The following MMRN2 variants were observed in gnomAD, a reference collection of about 807,000 sequenced individuals.
MMRN2 encodes multimerin 2.
In MMRN2, 53 loss-of-function variants were observed where a neutral mutation model predicts 68.8. The observed-to-expected ratio is 0.77, with a 90% CI of 0.62 to 0.97. MMRN2 has a LOEUF of 0.97. Ranked by LOEUF, MMRN2 falls within the 50% of genes least tolerant of loss-of-function variation. The probability of loss-of-function intolerance (pLI) is 0.00; values close to 1 mark genes in which losing one functional copy is unlikely to be tolerated. For missense variants in MMRN2, 1,266 were observed against 1,259.5 expected (o/e 1.01, Z -0.08); for synonymous variants, 564 against 551.6 (o/e 1.02, Z -0.32).
intron 6 of MMRN2, among the ~76,000 whole-genome samples, chr10:86,939,026 G>T (rs1327345168): frequency 6.6e-6 from 1 of 152,058 alleles, no homozygotes; most frequent in Non-Finnish European, 1.5e-5. Context: ...GCCAGGCGTG[G>T]TGGGGCATAC....
At chr10:86,938,933 C>G (rs1344139616) in intron 6 of MMRN2, among the ~76,000 whole-genome samples, 1 of 146,226 alleles carries the variant, frequency 6.8e-6, no homozygotes, top group Non-Finnish European at 1.5e-5. Context: ...GAGGCCAAGG[C>G]GGGCGGATCA....
intron 1 of MMRN2, chr10:86,954,340 GGGC>G (rs1467686446): frequency 7.2e-5 from 11 of 152,624 alleles, no homozygotes; most frequent in Admixed American, 6.5e-4. Context: ...AATGGAAGCT[GGGC>G]GGCCTGCGTT....
intron 1 of MMRN2, 90 bp from the exon 2 acceptor site, chr10:86,945,779 C>T (rs74153428): frequency 6.9e-6 from 11 of 1,592,516 alleles, no homozygotes; most frequent in Admixed American, 1.7e-5. Flanking sequence ...CGCCTCCTGC[C>T]GGAGCAGTGC....
intron 6 of MMRN2, among the ~76,000 whole-genome samples, chr10:86,942,063 G>C (rs1439829391): frequency 6.6e-6 from 1 of 152,162 alleles, no homozygotes; most frequent in East Asian, 1.9e-4. Flanking sequence ...TGTGCCTGTG[G>C]CCTCCAGGCT....
Position 86,945,239 on chromosome 10 carries a change from G to A in MMRN2, c.430C>T (p.Pro144Ser), listed in dbSNP as rs759624092. 11 of 1,613,748 alleles carry A rather than the reference G, an allele frequency of 6.8e-6. No individual in the cohort carries two copies. In the South Asian group the frequency reaches 1.2e-4, roughly 18 times the overall value. ...TGAGGTTCCTGGTGGCTGTCACCAG[G>A]ATCTGCAGGCTCAGGGATTGCCATG... ...DSMAIPEPAD[P>S]GDSHQEPQDG... Residue 144 changes from proline (P) to serine (S), a missense_variant, in exon 4 of 7, where the codon CCT (proline) becomes TCT (serine). Transcript: ENST00000372027.
chr10:86,951,372 C>T (rs545530060), intron 1 of MMRN2, among the ~76,000 whole-genome samples: 32 of 152,308 alleles, frequency 2.1e-4, no homozygotes, highest in Middle Eastern at 3.4e-3. Flanking sequence ...ATATGTGGGG[C>T]CTCTCCTTCA....
chr10:86,946,365 AGCTCCCTG>A (rs923561781), intron 1 of MMRN2, among the ~76,000 whole-genome samples: 7 of 152,240 alleles, frequency 4.6e-5, no homozygotes, highest in Non-Finnish European at 8.8e-5. Context: ...ATGAGGGACC[AGCTCCCTG>A]GCCATGCCCA....
chr10:86,947,529 C>G (rs1229225116), intron 1 of MMRN2, among the ~76,000 whole-genome samples: 2 of 152,036 alleles, frequency 1.3e-5, no homozygotes, highest in African/African-American at 4.8e-5. Flanking sequence ...ACCACCAAGC[C>G]TGGCTAATTT....
At position 86,944,643 on chromosome 10, in the gene MMRN2, A is replaced by G. The variant is rs1844040200; in HGVS notation, c.482-208T>C. ...GCCTCCTACACCTACAGCAGACATGACTAATCAATCATGGTACACTCCCCT... is the reference window on the plus strand; with the variant it reads ...GCCTCCTACACCTACAGCAGACATGGCTAATCAATCATGGTACACTCCCCT... On this transcript the variant is annotated intron_variant, in intron 4 of 6. Coordinates refer to ENST00000372027, the MANE Select transcript of MMRN2 (RefSeq NM_024756.3). 5 of 569,816 alleles carry G rather than the reference A, an allele frequency of 8.8e-6. No homozygotes were observed. In the East Asian group the frequency reaches 9.0e-5, roughly 10 times the overall value. The allele number at this position is 569,816 out of a possible 1,614,324, so 35.3% of individuals were successfully genotyped here. A position where few individuals can be genotyped will look rare whatever the true frequency, so the allele number is the denominator to read the frequency against.
chr10:86,942,684 C>A lies in MMRN2; in HGVS notation c.2100G>T (p.Glu700Asp), dbSNP rs770794429. 3.2e-5 allele frequency: 51 copies of A among 1,578,648 alleles called. No individual in the cohort carries two copies. The East Asian group carries it at 1.0e-3, about 31-fold the overall frequency. The part of the protein sequence containing the change: ...ATTALAGLAR[E>D]LQSLSNDVKN... ...TGACGTCGTTGCTCAGGCTCTGGAGCTCCCGCGCCAGCCCGGCCAGGGCGG... is the reference window on the plus strand; with the variant it reads ...TGACGTCGTTGCTCAGGCTCTGGAGATCCCGCGCCAGCCCGGCCAGGGCGG... Residue 700 changes from glutamate (E) to aspartate (D), a missense_variant, in exon 6 of 7, where the codon GAG (glutamate) becomes GAT (aspartate). Physicochemically the swap from Glu to Asp is conservative, Grantham distance 45. Transcript: ENST00000372027.
chr10:86,943,072 A>C lies in MMRN2; in HGVS notation c.1712T>G (p.Leu571Arg). The change falls in exon 6 of 7, where the codon CTG (leucine) becomes CGG (arginine). Residue 571 changes from leucine (L) to arginine (R), a missense_variant. Physicochemically the swap from Leu to Arg is moderately radical, Grantham distance 102. Coordinates refer to ENST00000372027, the MANE Select transcript of MMRN2 (RefSeq NM_024756.3). This position sits in a 1 kb window ranked among gnomAD's most constrained non-coding sequence, Gnocchi z 4.2. Reference protein sequence around the residue: ...TSRLRSQVQALDDEVGALKAA... With the variant: ...TSRLRSQVQARDDEVGALKAA... Reference sequence around the variant, plus strand: ...CTTCAGCGCGCCCACCTCGTCATCCAGCGCCTGCACTTGGCTCCGGAGCCG... The same window carrying C: ...CTTCAGCGCGCCCACCTCGTCATCCCGCGCCTGCACTTGGCTCCGGAGCCG... 1 of 1,420,718 alleles carries C rather than the reference A, an allele frequency of 7.0e-7. No individual in the cohort carries two copies. Among genetic ancestry groups the C allele is most frequent in the African/African-American group, 1.5e-5 (1 of 65,868 alleles). The allele number at this position is 1,420,718 out of a possible 1,614,324, so 88.0% of individuals were successfully genotyped here. A position where few individuals can be genotyped will look rare whatever the true frequency, so the allele number is the denominator to read the frequency against.
Position 86,951,053 on chromosome 10 carries a change from A to C in MMRN2, c.165-5364T>G, listed in dbSNP as rs144000830. On this transcript the variant is annotated intron_variant, in intron 1 of 6. Transcript: ENST00000372027. The stretch of plus-strand genomic sequence containing the variant: ...CAGTGAGCCAAGATCACGCCATTGC[A>C]CTCCAGCCTGGGCAACAAGAGTGAA... 3.3e-5 allele frequency among the ~76,000 whole-genome samples: 5 copies of C among 152,158 alleles called. No homozygotes were observed. The East Asian group carries it at 5.8e-4, about 18-fold the overall frequency.
At position 86,937,005 on chromosome 10, in the gene MMRN2, CG is replaced by C; in HGVS notation, c.2587del (p.Arg863GlufsTer12). 1 of 1,614,198 alleles carries C rather than the reference CG, an allele frequency of 6.2e-7. No individual in the cohort carries two copies. The highest frequency in any genetic ancestry group is 8.5e-7 in the Non-Finnish European group (1 of 1,180,038). Reference sequence around the variant, plus strand: ...CAGGTAGACACCACGCTCAGGGGCTCGGAAGTAGCCATGTTCAGGGAAGTAG... The same window carrying C: ...CAGGTAGACACCACGCTCAGGGGCTCGAAGTAGCCATGTTCAGGGAAGTAG... The part of the protein sequence containing the change: ...SSYFPEHGYF[R>X]APERGVYLFA... On this transcript the variant is annotated frameshift_variant, in exon 7 of 7. Transcript: ENST00000372027. LOFTEE classifies it low-confidence loss of function (END_TRUNC).
rs147130627 is a variant in MMRN2 at position 86,942,463 on chromosome 10, T to G, written c.2321A>C (p.Gln774Pro). ...CTTCCCTTTCCTGCTCAGCATGGTCTGCAGCTTCCCCAGGTCCAGGCTGAC... is the reference window on the plus strand; with the variant it reads ...CTTCCCTTTCCTGCTCAGCATGGTCGGCAGCTTCCCCAGGTCCAGGCTGAC... ...ANVSLDLGKL[Q>P]TMLSRKGKKQ... The change falls in exon 6 of 7, where the codon CAG becomes CCG. Residue 774 changes from glutamine to proline, a missense_variant. By Grantham distance (76) the Gln-to-Pro change is moderately conservative. Coordinates refer to ENST00000372027, the MANE Select transcript of MMRN2 (RefSeq NM_024756.3). 6.2e-7 allele frequency: 1 copy of G among 1,614,190 alleles called. No individual in the cohort carries two copies. Among genetic ancestry groups the G allele is most frequent in the African/African-American group, 1.3e-5 (1 of 75,080 alleles).
Position 86,942,306 on chromosome 10 carries a change from C to T in MMRN2, c.2467+11G>A. 1.3e-6 allele frequency: 2 copies of T among 1,599,440 alleles called. No homozygotes were observed. Among genetic ancestry groups the T allele is most frequent in the Admixed American group, 1.7e-5 (1 of 59,130 alleles). ...CTAGGCTCGTCCAGTCTCCCCAGCC[C>T]AGGAACTCACCTGCCTCCCAGAGCG... On this transcript the variant is annotated intron_variant, in intron 6 of 6. Coordinates refer to ENST00000372027, the MANE Select transcript of MMRN2 (RefSeq NM_024756.3).
intron 1 of MMRN2, among the ~76,000 whole-genome samples, chr10:86,946,974 G>A (rs1844078262): frequency 6.6e-6 from 1 of 152,194 alleles, no homozygotes; most frequent in African/African-American, 2.4e-5. Flanking sequence ...TGAGGAAGGG[G>A]CTGCAGAAGG....
intron 1 of MMRN2, among the ~76,000 whole-genome samples, chr10:86,951,806 G>T (rs1044103491): frequency 7.2e-5 from 11 of 152,216 alleles, no homozygotes; most frequent in African/African-American, 2.7e-4. Flanking sequence ...CCAGCACTTT[G>T]GGAGGCCCAG....
chr10:86,957,458 G>A lies in MMRN2; in HGVS notation c.84C>T (p.Ser28=), dbSNP rs749201760. 3.1e-6 allele frequency: 5 copies of A among 1,613,482 alleles called. No homozygotes were observed. In the South Asian group the frequency reaches 4.4e-5, roughly 14 times the overall value. ...LGAWAQASST[S]LSDLQSSRTP... ...TCCTGGAGCTCTGCAGATCAGAGAGGCTAGTACTGGAAGCCTGGGCCCATG... is the reference window on the plus strand; with the variant it reads ...TCCTGGAGCTCTGCAGATCAGAGAGACTAGTACTGGAAGCCTGGGCCCATG... Residue 28 remains serine, a synonymous_variant, in exon 1 of 7, where the codon AGC becomes AGT. Coordinates refer to ENST00000372027, the MANE Select transcript of MMRN2 (RefSeq NM_024756.3).
Position 86,944,529 on chromosome 10 carries a change from G to A in MMRN2, c.482-94C>T, listed in dbSNP as rs149620397. The A allele has an allele frequency of 1.2e-3, 1,747 of 1,415,560 alleles. 4 individuals carry two copies. The highest frequency in any genetic ancestry group is 1.9e-3 in the Admixed American group (95 of 51,320). 87.7% of individuals were successfully genotyped at this position (1,415,560 alleles called of 1,614,324 possible). ...GAAGGAGAGTTGAAGGCTGAGAGCA[G>A]GGAAGTTAGCTGCTGATGTCCTCTG... On this transcript the variant is annotated intron_variant, in intron 4 of 6. Transcript: ENST00000372027.
Sources: allele counts gnomAD v4.1 joint callset (sites outside exome capture counted in the v4.1 genomes callset), GRCh38; gene constraint gnomAD v4.1.1; non-coding constraint Gnocchi (gnomAD v3.1); transcripts MANE v1.5; gene names NCBI Gene and HGNC (gene_info 2026-07-23, HGNC 2026-07-21).